The following THRB variants were observed in gnomAD, a reference collection of about 807,000 sequenced individuals.
THRB encodes the protein thyroid hormone receptor beta, also known as nuclear receptor subfamily 1 group A member 2.
Under a neutral mutation model 47.8 loss-of-function variants are expected in THRB, and 12 were observed. That is an observed-to-expected ratio of 0.25 (90% confidence interval 0.16 to 0.41). THRB has a LOEUF of 0.41. Among genes scored for constraint, THRB ranks in the 10% least tolerant of loss-of-function variants. The pLI, the probability that THRB is intolerant of heterozygous loss-of-function variation, is 1.00. For synonymous variants in THRB, 218 were observed against 212.2 expected (o/e 1.03, Z -0.24); for missense variants, 348 against 589.2 (o/e 0.59, Z 4.24).
rs867323180 is a variant in THRB, at chr3:24,159,745, G to C, written c.284-7255C>G. ...ACAACTGCTGTGTGTGTGTGTGTGT[G>C]TGTGTGTGTGTGTGTGTGTGTGTGT... On this transcript the variant is annotated intron_variant, in intron 5 of 10. Transcript: ENST00000646209. Among the ~76,000 whole-genome samples, 1,078 of 150,804 alleles carry C rather than the reference G, an allele frequency of 7.1e-3. 12 individuals carry two copies. The highest frequency in any genetic ancestry group is 0.025 in the African/African-American group (1,018 of 41,194).
intron 1 of THRB, among the ~76,000 whole-genome samples, chr3:24,365,479 G>C (rs764985067): frequency 6.6e-6 from 1 of 152,078 alleles, no homozygotes; most frequent in Admixed American, 6.6e-5. Flanking sequence ...TAAGGTCCCC[G>C]GGCAGTTCAA....
intron 1 of THRB, among the ~76,000 whole-genome samples, chr3:24,344,703 C>T (rs73825618): frequency 0.013 from 1,968 of 146,608 alleles, 43 homozygotes; most frequent in African/African-American, 0.045. Context: ...ATATATATAT[C>T]TCCGAAACAA....
At chr3:24,188,457 CAG>C (rs1202049463) in intron 5 of THRB, among the ~76,000 whole-genome samples, 5 of 152,180 alleles carry the variant, frequency 3.3e-5, no homozygotes, top group East Asian at 1.9e-4. Context: ...TGTATTCAAA[CAG>C]AGACTGTTTC....
intron 1 of THRB, among the ~76,000 whole-genome samples, chr3:24,422,847 G>C (rs1238245513): frequency 6.6e-6 from 1 of 151,832 alleles, no homozygotes; most frequent in Admixed American, 6.6e-5. Flanking sequence ...ACCCCCTCTT[G>C]AAAAGAGGGG....
chr3:24,295,653 T>A (rs114918984), intron 3 of THRB, among the ~76,000 whole-genome samples: 231 of 152,328 alleles, frequency 1.5e-3, no homozygotes, highest in African/African-American at 5.2e-3. Context: ...AATTGAAACT[T>A]GTTAGCCCTC....
chr3:24,399,939 C>CT (rs953576701), intron 1 of THRB, among the ~76,000 whole-genome samples: 25 of 152,144 alleles, frequency 1.6e-4, no homozygotes, highest in African/African-American at 6.0e-4. Flanking sequence ...CTCACCAGAA[C>CT]TTTTTTCTCT....
chr3:24,342,959 C>T lies in THRB; in HGVS notation c.-260-5588G>A, dbSNP rs566860189. On this transcript the variant is annotated intron_variant, in intron 1 of 10. Transcript: ENST00000646209. The stretch of plus-strand genomic sequence containing the variant: ...AGGTAGAGAATGGGTGATGAGGCTG[C>T]AAAGGCAGAAACAGTGCTACAGCTT... 5.3e-5 allele frequency among the ~76,000 whole-genome samples: 8 copies of T among 152,210 alleles called. No homozygotes were observed. The South Asian group carries it at 1.7e-3, about 32-fold the overall frequency.
chr3:24,300,576 TATG>T (rs2056869207), intron 2 of THRB, among the ~76,000 whole-genome samples: 1 of 152,202 alleles, frequency 6.6e-6, no homozygotes, highest in Non-Finnish European at 1.5e-5. Flanking sequence ...CTGGGTCATA[TATG>T]ATATCTCCCT....
intron 4 of THRB, among the ~76,000 whole-genome samples, chr3:24,213,217 T>G (rs1381705664): frequency 6.6e-6 from 1 of 152,220 alleles, no homozygotes; most frequent in East Asian, 1.9e-4. Context: ...AGCCTCATAC[T>G]GTAGCCAGTT....
intron 3 of THRB, among the ~76,000 whole-genome samples, chr3:24,292,539 G>A (rs1261623390): frequency 6.6e-6 from 1 of 152,134 alleles, no homozygotes; most frequent in South Asian, 2.1e-4. Flanking sequence ...TCTCCACTGT[G>A]TGCATCACCT....
At chr3:24,138,926 C>G (rs557743147) in intron 8 of THRB, among the ~76,000 whole-genome samples, 2 of 152,294 alleles carry the variant, frequency 1.3e-5, no homozygotes, top group African/African-American at 2.4e-5. Flanking sequence ...ATTAAGGGAG[C>G]AGAATAATGA....
chr3:24,169,654 T>C (rs1224710885), intron 5 of THRB, among the ~76,000 whole-genome samples: 1 of 148,344 alleles, frequency 6.7e-6, no homozygotes, highest in East Asian at 1.9e-4. Context: ...AGTGACATAA[T>C]TATATATACA....
At chr3:24,480,276 G>C (rs1489794461) in intron 1 of THRB, among the ~76,000 whole-genome samples, 1 of 152,204 alleles carries the variant, frequency 6.6e-6, no homozygotes, top group African/African-American at 2.4e-5. Flanking sequence ...TTCCTCTGAT[G>C]TAAGAGCTCT....
intron 5 of THRB, among the ~76,000 whole-genome samples, chr3:24,183,102 T>G (rs768408408): frequency 5.3e-5 from 8 of 152,206 alleles, no homozygotes; most frequent in Non-Finnish European, 1.2e-4. Flanking sequence ...TATGGACTTT[T>G]TTTTCAACTG....
intron 2 of THRB, among the ~76,000 whole-genome samples, chr3:24,304,507 A>G (rs2057193932): frequency 1.3e-5 from 2 of 152,264 alleles, no homozygotes; most frequent in Non-Finnish European, 1.5e-5. Flanking sequence ...TGTTCCATCC[A>G]AAGTTATGAA....
intron 1 of THRB, among the ~76,000 whole-genome samples, chr3:24,489,581 T>C (rs1697829993): frequency 6.6e-6 from 1 of 152,224 alleles, no homozygotes; most frequent in Non-Finnish European, 1.5e-5. Flanking sequence ...CAGACTCCCC[T>C]GATTTGCTAT....
At chr3:24,264,462 A>C (rs1465443143) in intron 3 of THRB, among the ~76,000 whole-genome samples, 1 of 152,128 alleles carries the variant, frequency 6.6e-6, no homozygotes, top group Non-Finnish European at 1.5e-5. Context: ...CTTTACCCTG[A>C]CACTTGGAAA....
intron 5 of THRB, among the ~76,000 whole-genome samples, chr3:24,186,533 G>A (rs1430178105): frequency 6.6e-6 from 1 of 152,162 alleles, no homozygotes; most frequent in African/African-American, 2.4e-5. Flanking sequence ...GATCTGTTGT[G>A]AGATCTGCAA....
intron 5 of THRB, among the ~76,000 whole-genome samples, chr3:24,187,654 A>T (rs1242820634): frequency 6.6e-6 from 1 of 152,240 alleles, no homozygotes; most frequent in Non-Finnish European, 1.5e-5. Flanking sequence ...TGAGATGTCA[A>T]GCATTCTTGT....
Sources: allele counts gnomAD v4.1 joint callset (sites outside exome capture counted in the v4.1 genomes callset), GRCh38; gene constraint gnomAD v4.1.1; transcripts MANE v1.5; gene names NCBI Gene and HGNC (gene_info 2026-07-23, HGNC 2026-07-21).